Variants in DIS3L2 observed in about 807,000 individuals in gnomAD.
The protein encoded by DIS3L2 is DIS3-like exonuclease 2.
In DIS3L2, 34 loss-of-function variants were observed where a neutral mutation model predicts 97.5. The ratio of observed to expected loss-of-function variants is 0.35; its 90% CI spans 0.27 to 0.46. The LOEUF (loss-of-function observed/expected upper bound fraction) is 0.46. DIS3L2 is among the 20% of genes least tolerant of loss of function. The pLI is 1.00. For synonymous variants in DIS3L2, 435 were observed against 445.2 expected, an observed-to-expected ratio of 0.98 and a Z score of 0.29; for missense variants, 1,038 against 1,146.0, an observed-to-expected ratio of 0.91 and a Z score of 1.36.
intron 10 of DIS3L2, among the ~76,000 whole-genome samples, chr2:232,211,497 A>T (rs1692189730): frequency 6.6e-6 from 1 of 152,138 alleles, no homozygotes; most frequent in Admixed American, 6.5e-5. Flanking sequence ...GTTTTTACCT[A>T]CTTCTTGCCC....
At chr2:232,327,007 C>T (rs1303539573) in intron 14 of DIS3L2, among the ~76,000 whole-genome samples, 1 of 152,204 alleles carries the variant, frequency 6.6e-6, no homozygotes, top group Non-Finnish European at 1.5e-5. Flanking sequence ...CGGCCCCACC[C>T]TCTCCCTGTC....
At chr2:231,978,601 A>G (rs548905236) in intron 1 of DIS3L2, 2 of 152,356 alleles carry the variant, frequency 1.3e-5, no homozygotes, top group East Asian at 3.9e-4. Context: ...CCTAGTGGAT[A>G]AAAAGAAACC....
chr2:232,084,442 C>T (rs1441688654), intron 5 of DIS3L2, among the ~76,000 whole-genome samples: 1 of 152,088 alleles, frequency 6.6e-6, no homozygotes, highest in African/African-American at 2.4e-5. Flanking sequence ...TTTTGATTGT[C>T]ATGTTGATGC....
chr2:232,260,056 G>A (rs754697006), intron 12 of DIS3L2: 6 of 152,322 alleles, frequency 3.9e-5, no homozygotes, highest in Non-Finnish European at 8.8e-5. Flanking sequence ...CAGACCCTGG[G>A]AGGCTGCAGA....
chr2:232,254,537 TC>T (rs1490300973), intron 12 of DIS3L2, among the ~76,000 whole-genome samples: 2 of 152,334 alleles, frequency 1.3e-5, no homozygotes, highest in African/African-American at 4.8e-5. Flanking sequence ...ATGCTTATTT[TC>T]GTGAAAGTTT....
intron 5 of DIS3L2, among the ~76,000 whole-genome samples, chr2:232,031,361 G>A (rs1694799173): frequency 6.6e-6 from 1 of 152,040 alleles, no homozygotes; most frequent in South Asian, 2.1e-4. Context: ...ATTCAGTAAT[G>A]AGTAGTATTG....
At chr2:232,111,437 A>C (rs1282959972) in intron 6 of DIS3L2, among the ~76,000 whole-genome samples, 5 of 151,990 alleles carry the variant, frequency 3.3e-5, no homozygotes, top group Non-Finnish European at 5.9e-5. Context: ...GATTCCTTGT[A>C]CTTTGGGCAA....
rs767658588 is a variant in DIS3L2, at chr2:232,249,322, C to A, written c.1401C>A (p.Ile467=). 6.2e-7 allele frequency: 1 copy of A among 1,614,220 alleles called. No individual in the cohort carries two copies. Among genetic ancestry groups the A allele is most frequent in the East Asian group, 2.2e-5 (1 of 44,892 alleles). Residue 467 remains isoleucine, a synonymous_variant, in exon 12 of 21, where the codon ATC becomes ATA. Transcript: ENST00000325385. ...PMSDKLTFSV[I]WTLTPEGKIL... is the part of the protein sequence containing the mutation. ...CCGACAAGCTGACCTTCTCTGTGATCTGGACACTGACTCCAGAGGGCAAGG... is the reference window on the plus strand; with the variant it reads ...CCGACAAGCTGACCTTCTCTGTGATATGGACACTGACTCCAGAGGGCAAGG...
intron 14 of DIS3L2, among the ~76,000 whole-genome samples, chr2:232,310,122 T>G (rs946272511): frequency 1.3e-5 from 2 of 152,216 alleles, no homozygotes; most frequent in Admixed American, 6.5e-5. Context: ...TAAGAGCCAT[T>G]CATTGCAGAG....
At chr2:232,168,678 A>C (rs920395496) in intron 9 of DIS3L2, among the ~76,000 whole-genome samples, 1 of 152,016 alleles carries the variant, frequency 6.6e-6, no homozygotes, top group Non-Finnish European at 1.5e-5. Context: ...TGTACACCTC[A>C]CCTACCACCT....
chr2:232,156,865 C>T (rs537728481), intron 8 of DIS3L2, among the ~76,000 whole-genome samples: 18 of 152,152 alleles, frequency 1.2e-4, no homozygotes, highest in Middle Eastern at 3.4e-3. Context: ...TATACTTCTC[C>T]CAGAAGCTAT....
At chr2:232,290,275 T>C (rs1254570066) in intron 13 of DIS3L2, among the ~76,000 whole-genome samples, 1 of 152,270 alleles carries the variant, frequency 6.6e-6, no homozygotes, top group Non-Finnish European at 1.5e-5. Flanking sequence ...TGTTGCATAT[T>C]GCTCAGGCAC....
chr2:232,119,213 T>G (rs1261571812), intron 6 of DIS3L2, among the ~76,000 whole-genome samples: 1 of 152,226 alleles, frequency 6.6e-6, no homozygotes, highest in Non-Finnish European at 1.5e-5. Flanking sequence ...ATTTGACTCA[T>G]CTAGTCTAGC....
chr2:232,243,345 TG>T (rs1317920075), intron 11 of DIS3L2, among the ~76,000 whole-genome samples: 1 of 151,958 alleles, frequency 6.6e-6, no homozygotes, highest in Non-Finnish European at 1.5e-5. Flanking sequence ...AAGAGAAGCC[TG>T]GAGTGGTAGG....
At chr2:232,301,706 G>A (rs1694859392) in intron 14 of DIS3L2, among the ~76,000 whole-genome samples, 1 of 152,110 alleles carries the variant, frequency 6.6e-6, no homozygotes, top group Admixed American at 6.5e-5. Flanking sequence ...GGAAAAGGTT[G>A]AAGAGTATTT....
At chr2:232,217,387 T>G in intron 10 of DIS3L2, among the ~76,000 whole-genome samples, 1 of 152,358 alleles carries the variant, frequency 6.6e-6, no homozygotes, top group African/African-American at 2.4e-5. Context: ...GGTGCTTTTT[T>G]GCCATACACC....
intron 15 of DIS3L2, 66 bp from the exon 16 acceptor site, chr2:232,330,624 A>G (rs1695707204): frequency 2.6e-6 from 4 of 1,537,038 alleles, no homozygotes; most frequent in Non-Finnish European, 2.7e-6. Flanking sequence ...TCAGCGGATG[A>G]CAGGGCCCAG....
chr2:232,036,778 C>T (rs1257628897), intron 5 of DIS3L2, among the ~76,000 whole-genome samples: 1 of 152,174 alleles, frequency 6.6e-6, no homozygotes, highest in Admixed American at 6.5e-5. Flanking sequence ...CAGTCAGGCC[C>T]CTCTTCTGCA....
At chr2:232,331,206 G>A (rs1350564395) in intron 16 of DIS3L2, among the ~76,000 whole-genome samples, 1 of 152,280 alleles carries the variant, frequency 6.6e-6, no homozygotes, top group Non-Finnish European at 1.5e-5. Flanking sequence ...TTGGCCGGGG[G>A]CCTAGGCCTG....
Sources: gnomAD v4.1 joint callset for allele counts (sites outside exome capture counted in the v4.1 genomes callset) on GRCh38, gnomAD v4.1.1 for gene constraint, MANE v1.5 for transcripts, NCBI Gene and HGNC (gene_info 2026-07-23, HGNC 2026-07-21) for gene names.